NEK10: variants seen among roughly 807,000 people sequenced by gnomAD.
NEK10 encodes the protein serine/threonine-protein kinase Nek10.
NEK10 carries 122 observed loss-of-function variants against 159.8 expected under a neutral mutation model. The observed-to-expected ratio is 0.76, with a 90% CI of 0.66 to 0.89. NEK10 has a LOEUF of 0.89. Ranked by LOEUF, NEK10 falls within the 40% of genes least tolerant of loss-of-function variation. The probability of loss-of-function intolerance (pLI) is 0.00; values close to 1 mark genes in which losing one functional copy is unlikely to be tolerated. For missense variants in NEK10, 1,342 were observed against 1,323.1 expected, an observed-to-expected ratio of 1.01 and a Z score of -0.22; for synonymous variants, 466 against 457.1, an observed-to-expected ratio of 1.02 and a Z score of -0.25.
intron 25 of NEK10, among the ~76,000 whole-genome samples, chr3:27,199,208 A>G (rs1193638619): frequency 2.6e-5 from 4 of 152,180 alleles, no homozygotes; most frequent in Non-Finnish European, 5.9e-5. Flanking sequence ...TTTGCAAACT[A>G]TGCACCTGAC....
At chr3:27,120,619 C>T (rs769503943) in intron 32 of NEK10, among the ~76,000 whole-genome samples, 12 of 152,026 alleles carry the variant, frequency 7.9e-5, no homozygotes, top group Non-Finnish European at 1.6e-4. Flanking sequence ...CATAAGCCAC[C>T]GCGCCTGGCC....
chr3:27,354,192 G>A (rs185910027), intron 1 of NEK10, among the ~76,000 whole-genome samples: 1 of 152,230 alleles, frequency 6.6e-6, no homozygotes, highest in East Asian at 1.9e-4. Flanking sequence ...AATAGAAGCC[G>A]CAATGACAAG....
At chr3:27,211,080 C>A (rs143576895) in intron 23 of NEK10, among the ~76,000 whole-genome samples, 1 of 152,182 alleles carries the variant, frequency 6.6e-6, no homozygotes, top group Non-Finnish European at 1.5e-5. Context: ...AGCTGTTGAT[C>A]TGCCTTTAAT....
chr3:27,325,098 ACTC>A (rs764180905), intron 5 of NEK10, among the ~76,000 whole-genome samples: 22 of 152,188 alleles, frequency 1.4e-4, no homozygotes, highest in Non-Finnish European at 2.2e-4. Flanking sequence ...CACAGACTGA[ACTC>A]CTGAGGTGAG....
intron 23 of NEK10, among the ~76,000 whole-genome samples, chr3:27,207,961 A>G (rs1396795380): frequency 1.3e-5 from 2 of 152,186 alleles, no homozygotes; most frequent in African/African-American, 4.8e-5. Flanking sequence ...TGATGCTCTA[A>G]TTATAATTCA....
chr3:27,269,611 T>C (rs1281801272), intron 22 of NEK10, among the ~76,000 whole-genome samples: 2 of 152,224 alleles, frequency 1.3e-5, no homozygotes, highest in Non-Finnish European at 2.9e-5. Context: ...AAATAGACTA[T>C]AACATAATGT....
At chr3:27,217,990 A>G (rs1951700838) in intron 23 of NEK10, among the ~76,000 whole-genome samples, 1 of 152,228 alleles carries the variant, frequency 6.6e-6, no homozygotes. Flanking sequence ...ATATTCTAGC[A>G]TCACTACTTT....
At chr3:27,305,628 A>AAAAT (rs1553627493) in intron 11 of NEK10, among the ~76,000 whole-genome samples, 4 of 148,944 alleles carry the variant, frequency 2.7e-5, no homozygotes, top group East Asian at 1.9e-4. Flanking sequence ...AAAAAAAAAA[A>AAAAT]AATAATAATA....
intron 3 of NEK10, among the ~76,000 whole-genome samples, chr3:27,347,529 A>AAG (rs2047651191): frequency 7.9e-6 from 1 of 126,190 alleles, no homozygotes; most frequent in African/African-American, 2.9e-5. Flanking sequence ...AAAAAAAAAA[A>AAG]GACATCATTT....
intron 23 of NEK10, among the ~76,000 whole-genome samples, chr3:27,209,017 T>C (rs982327563): frequency 7.2e-5 from 11 of 152,218 alleles, no homozygotes; most frequent in Non-Finnish European, 2.9e-5. Flanking sequence ...TAATATACTA[T>C]GCCACTAAAA....
intron 23 of NEK10, among the ~76,000 whole-genome samples, chr3:27,249,242 C>T (rs11917932): frequency 0.02 from 3,073 of 152,286 alleles, 105 homozygotes; most frequent in African/African-American, 0.071. Context: ...GTCTCCCCAG[C>T]CACGCTGAAC....
At chr3:27,238,494 T>G (rs1188250149) in intron 23 of NEK10, among the ~76,000 whole-genome samples, 8 of 152,202 alleles carry the variant, frequency 5.3e-5, no homozygotes, top group Admixed American at 5.2e-4. Flanking sequence ...TATAAACTTT[T>G]TTCAGATTTG....
chr3:27,232,947 T>C (rs928802637), intron 23 of NEK10, among the ~76,000 whole-genome samples: 1 of 151,082 alleles, frequency 6.6e-6, no homozygotes, highest in African/African-American at 2.4e-5. Flanking sequence ...AACACCTGAA[T>C]CAGAAAAACT....
At chr3:27,281,040 G>T (rs544344787) in intron 22 of NEK10, among the ~76,000 whole-genome samples, 1 of 150,754 alleles carries the variant, frequency 6.6e-6, no homozygotes, top group East Asian at 1.9e-4. Flanking sequence ...AATAAAAACA[G>T]GGTTCCATAA....
chr3:27,344,184 G>GTA (rs761162422), intron 5 of NEK10, 88 bp downstream of exon 5: 194 of 681,244 alleles, frequency 2.8e-4, no homozygotes, highest in Non-Finnish European at 9.5e-5. Flanking sequence ...GTTCAATCCT[G>GTA]TAAGATGTTT....
intron 6 of NEK10, among the ~76,000 whole-genome samples, chr3:27,318,973 G>A (rs1339209653): frequency 2.0e-5 from 3 of 152,140 alleles, no homozygotes; most frequent in East Asian, 1.9e-4. Flanking sequence ...GAATAGGAAC[G>A]TGTAAATAAT....
intron 30 of NEK10, among the ~76,000 whole-genome samples, chr3:27,157,878 GGCAAGACCCTCC>G (rs1347300130): frequency 6.6e-6 from 1 of 152,156 alleles, no homozygotes; most frequent in Non-Finnish European, 1.5e-5. Context: ...CCTACATGGA[GGCAAGACCCTCC>G]ACCAGCAAAA....
chr3:27,126,106 C>T lies in NEK10; in HGVS notation c.3081+5774G>A, dbSNP rs533704629. ...CATGATTATTATATGCATAAAGAGC[C>T]GTTAATTCAAGTCTGAGCACCTAAG... is the stretch of plus-strand genomic sequence containing the variant. On this transcript the variant is annotated intron_variant, in intron 32 of 35. Transcript: ENST00000691995. Among the ~76,000 whole-genome samples, 32 of 152,168 alleles carry T rather than the reference C, an allele frequency of 2.1e-4. 1 individual carries two copies. The East Asian group carries it at 5.0e-3, about 24-fold the overall frequency.
In NEK10 at chr3:27,201,588, A is replaced by G; in HGVS notation, c.2221-8T>C. The G allele has an allele frequency of 6.2e-7, 1 of 1,611,466 alleles. No individual in the cohort carries two copies. The highest frequency in any genetic ancestry group is 8.5e-7 in the Non-Finnish European group (1 of 1,177,754). On this transcript the variant is annotated splice_region_variant and splice_polypyrimidine_tract_variant and intron_variant, in intron 24 of 35. Transcript: ENST00000691995. The stretch of plus-strand genomic sequence containing the variant: ...ATATACCGCCTCCACTATCTGCAAA[A>G]CAAACAGACTAGAGTGATGGAAGTA...
Sources: allele counts gnomAD v4.1 joint callset (sites outside exome capture counted in the v4.1 genomes callset), GRCh38; gene constraint gnomAD v4.1.1; transcripts MANE v1.5; gene names NCBI Gene and HGNC (gene_info 2026-07-23, HGNC 2026-07-21).